The following CATSPER4 variants were observed in gnomAD, a reference collection of about 807,000 sequenced individuals.
CATSPER4 encodes cation channel sperm associated 4.
Under a neutral mutation model 54.4 loss-of-function variants are expected in CATSPER4, and 46 were observed. The ratio of observed to expected loss-of-function variants is 0.84; its 90% CI spans 0.67 to 1.08. CATSPER4 has a LOEUF of 1.08. CATSPER4 is among the 50% of genes least tolerant of loss of function. The probability of loss-of-function intolerance (pLI) is 0.00; values close to 1 mark genes in which losing one functional copy is unlikely to be tolerated. For missense variants in CATSPER4, 574 were observed against 612.8 expected (o/e 0.94, Z 0.67); for synonymous variants, 230 against 231.9 (o/e 0.99, Z 0.08).
At chr1:26,195,349 A>G (rs1303428938) in intron 3 of CATSPER4, among the ~76,000 whole-genome samples, 1 of 152,208 alleles carries the variant, frequency 6.6e-6, no homozygotes, top group Non-Finnish European at 1.5e-5. Flanking sequence ...GCTGTGTGAG[A>G]AGCATGGTGC....
intron 3 of CATSPER4, 21 bp downstream of exon 3, chr1:26,193,909 C>A (rs371655731): frequency 6.5e-6 from 10 of 1,537,968 alleles, no homozygotes; most frequent in Non-Finnish European, 9.0e-6. Context: ...GAGCCCTTTG[C>A]CCCTACTTCC....
Position 26,193,833 on chromosome 1 carries a change from T to A in CATSPER4, c.404T>A (p.Ile135Asn), listed in dbSNP as rs2088903417. 6 of 1,614,130 alleles carry A rather than the reference T, an allele frequency of 3.7e-6. No homozygotes were observed. The highest frequency in any genetic ancestry group is 4.2e-6 in the Non-Finnish European group (5 of 1,179,972). Residue 135 changes from isoleucine to asparagine, a missense_variant, in exon 3 of 10, where the codon ATC becomes AAC. By Grantham distance (149) the Ile-to-Asn change is moderately radical. Transcript: ENST00000456354. ...FSTIDDIVLT[I>N]LLCEVLLGWL... ...ACCATAGATGACATTGTGCTGACCA[T>A]CCTTCTTTGTGAGGTTCTCCTTGGC...
At position 26,202,496 on chromosome 1, in the gene CATSPER4, ACT is replaced by A; in HGVS notation, c.1376_1377del (p.Ser459Ter). The A allele has an allele frequency of 1.2e-6, 2 of 1,611,144 alleles. No homozygotes were observed. Among genetic ancestry groups the A allele is most frequent in the Non-Finnish European group, 1.7e-6 (2 of 1,178,934 alleles). On this transcript the variant is annotated frameshift_variant, in exon 10 of 10. Coordinates refer to ENST00000456354, the MANE Select transcript of CATSPER4 (RefSeq NM_198137.2). LOFTEE classifies it low-confidence loss of function (END_TRUNC). ...AGACCTCTTGGTTTGCAGGTTCATG[ACT>A]CTAGCTCACAAATACTCCTTAAAAA...
At chr1:26,199,598 C>CAAAAAAAAAAAAAAAAAAAAAAAA (rs561742837) in intron 6 of CATSPER4, among the ~76,000 whole-genome samples, 1 of 113,878 alleles carries the variant, frequency 8.8e-6, no homozygotes, top group Non-Finnish European at 1.8e-5. Context: ...GACTCCATCT[C>CAAAAAAAAAAAAAAAAAAAAAAAA]AAAAAAAAAA....
intron 6 of CATSPER4, among the ~76,000 whole-genome samples, chr1:26,198,755 GC>G (rs935598334): frequency 6.6e-6 from 1 of 152,146 alleles, no homozygotes; most frequent in Non-Finnish European, 1.5e-5. Context: ...CCACCTTGGA[GC>G]CCACCAAACT....
Position 26,192,539 on chromosome 1 carries a change from G to A in CATSPER4, c.357+1109G>A, listed in dbSNP as rs949445670. On this transcript the variant is annotated intron_variant, in intron 2 of 9. Coordinates refer to ENST00000456354, the MANE Select transcript of CATSPER4 (RefSeq NM_198137.2). ...AGGGAGGCGGAGGTTGCGGTGAGCC[G>A]AGTTTGTGCCACTGCACTCCAGCCT... Among the ~76,000 whole-genome samples the A allele has an allele frequency of 2.6e-5, 4 of 151,358 alleles. No individual in the cohort carries two copies. The East Asian group carries it at 6.1e-4, about 23-fold the overall frequency.
At chr1:26,193,249 G>A (rs989529927) in intron 2 of CATSPER4, among the ~76,000 whole-genome samples, 6 of 152,026 alleles carry the variant, frequency 3.9e-5, no homozygotes, top group African/African-American at 1.5e-4. Flanking sequence ...ATCCATCCAG[G>A]GTGCATGTCC....
At position 26,202,580 on chromosome 1, in the gene CATSPER4, A is replaced by T; in HGVS notation, c.*38A>T. On this transcript the variant is annotated 3_prime_UTR_variant, in exon 10 of 10. Coordinates refer to ENST00000456354, the MANE Select transcript of CATSPER4 (RefSeq NM_198137.2). Reference sequence around the variant, plus strand: ...GGAGCCAAGGGGCCTGCACACACACACCCAGCCGCTGCGTCTTCCTGTGTC... The same window carrying T: ...GGAGCCAAGGGGCCTGCACACACACTCCCAGCCGCTGCGTCTTCCTGTGTC... 1 of 1,572,420 alleles carries T rather than the reference A, an allele frequency of 6.4e-7. No individual in the cohort carries two copies. The highest frequency in any genetic ancestry group is 8.7e-7 in the Non-Finnish European group (1 of 1,150,252).
intron 7 of CATSPER4, 117 bp from the exon 8 acceptor site, chr1:26,200,713 T>C: frequency 2.6e-6 from 2 of 783,772 alleles, no homozygotes; most frequent in Non-Finnish European, 4.4e-6. Flanking sequence ...AGAGCTGAAA[T>C]GAGGGCCTTA....
At position 26,197,689 on chromosome 1, in the gene CATSPER4, G is replaced by C; in HGVS notation, c.463G>C (p.Gly155Arg). The C allele has an allele frequency of 6.2e-7, 1 of 1,612,692 alleles. No individual in the cohort carries two copies. Among genetic ancestry groups the C allele is most frequent in the Non-Finnish European group, 8.5e-7 (1 of 1,179,786 alleles). ...CTGGGGCTGGCCCACTCCCCAGGACGGCTGGAACATCCTCAACTTCATTAT... is the reference window on the plus strand; with the variant it reads ...CTGGGGCTGGCCCACTCCCCAGGACCGCTGGAACATCCTCAACTTCATTAT... ...LNGFWIFWKD[G>R]WNILNFIIVF... is the part of the protein sequence containing the mutation. The change falls in exon 4 of 10, where the codon GGC becomes CGC. Residue 155 changes from glycine to arginine, a missense_variant. Coordinates refer to ENST00000456354, the MANE Select transcript of CATSPER4 (RefSeq NM_198137.2).
chr1:26,192,055 A>G (rs1177213485), intron 2 of CATSPER4, among the ~76,000 whole-genome samples: 1 of 152,096 alleles, frequency 6.6e-6, no homozygotes, highest in Non-Finnish European at 1.5e-5. Flanking sequence ...TTTTGGGGAA[A>G]AGAAACAGCA....
chr1:26,201,396 G>A lies in CATSPER4; in HGVS notation c.1242G>A (p.Gln414=), dbSNP rs749050731. 4 of 1,614,084 alleles carry A rather than the reference G, an allele frequency of 2.5e-6. No homozygotes were observed. Among genetic ancestry groups the A allele is most frequent in the Admixed American group, 1.7e-5 (1 of 60,014 alleles). ...GCGCAATCCGCTTCAACCAGGAGCA[G>A]GAGTCAGAGGTGTTGAACAGGCGCT... is the stretch of plus-strand genomic sequence containing the variant. ...EVRAIRFNQE[Q]ESEVLNRRSS... is the part of the protein sequence containing the mutation. Residue 414 remains glutamine, a synonymous_variant, in exon 9 of 10, where the codon CAG becomes CAA. Transcript: ENST00000456354.
chr1:26,193,006 G>A lies in CATSPER4; in HGVS notation c.358-781G>A, dbSNP rs188384429. On this transcript the variant is annotated intron_variant, in intron 2 of 9. Transcript: ENST00000456354. ...AATCCCAGCTACTTGGGAGGCTGAC[G>A]TAGGAGAATCGCTTGAACCCAGGAG... Among the ~76,000 whole-genome samples the A allele has an allele frequency of 5.9e-5, 9 of 152,036 alleles. 1 individual carries two copies. The highest frequency in any genetic ancestry group is 3.9e-4 in the East Asian group (2 of 5,152).
In CATSPER4 at chr1:26,190,655, C is replaced by T; in HGVS notation, c.28C>T (p.Gln10Ter). 3 of 1,606,766 alleles carry T rather than the reference C, an allele frequency of 1.9e-6. No individual in the cohort carries two copies. The highest frequency in any genetic ancestry group is 2.5e-6 in the Non-Finnish European group (3 of 1,179,822). The change falls in exon 1 of 10, where the codon CAG becomes TAG. Residue 10 changes from glutamine to a stop codon, truncating the protein, a stop_gained. Transcript: ENST00000456354. LOFTEE classifies it high-confidence loss of function. MRDNEKAWWQQWTSHTGLEG... is the reference protein window; with the variant it reads MRDNEKAWW ...GAGGGATAATGAAAAGGCCTGGTGG[C>T]AGCAATGGACCTCCCATACAGGCCT...
At chr1:26,195,872 ATTCAT>A (rs1222634041) in intron 3 of CATSPER4, among the ~76,000 whole-genome samples, 1 of 152,200 alleles carries the variant, frequency 6.6e-6, no homozygotes, top group Non-Finnish European at 1.5e-5. Flanking sequence ...GCACCAAGCC[ATTCAT>A]GACCCAATAC....
At chr1:26,195,937 A>G (rs1364751458) in intron 3 of CATSPER4, among the ~76,000 whole-genome samples, 1 of 152,152 alleles carries the variant, frequency 6.6e-6, no homozygotes, top group Non-Finnish European at 1.5e-5. Flanking sequence ...TCAACATGAG[A>G]TTTGGAGGGG....
At chr1:26,200,514 T>C (rs1270475973) in intron 7 of CATSPER4, among the ~76,000 whole-genome samples, 1 of 151,284 alleles carries the variant, frequency 6.6e-6, no homozygotes, top group Admixed American at 6.6e-5. Context: ...TCTAAAAGAG[T>C]GGAGTGCTGG....
intron 3 of CATSPER4, among the ~76,000 whole-genome samples, chr1:26,194,827 C>T (rs1246327408): frequency 6.6e-6 from 1 of 152,168 alleles, no homozygotes; most frequent in Non-Finnish European, 1.5e-5. Flanking sequence ...TGGCTCATGC[C>T]TGTAATCCCA....
intron 3 of CATSPER4, among the ~76,000 whole-genome samples, chr1:26,196,773 C>T (rs2088943514): frequency 1.3e-5 from 2 of 152,040 alleles, no homozygotes; most frequent in African/African-American, 4.8e-5. Context: ...ATCTGTGGAT[C>T]AGATTTCTAG....
Sources: gnomAD v4.1 joint callset for allele counts (sites outside exome capture counted in the v4.1 genomes callset) on GRCh38, gnomAD v4.1.1 for gene constraint, MANE v1.5 for transcripts, NCBI Gene and HGNC (gene_info 2026-07-23, HGNC 2026-07-21) for gene names.